MFHAS1: variants seen among roughly 807,000 people sequenced by gnomAD.
MFHAS1 encodes the protein multifunctional ROCO family signaling regulator 1, also known as malignant fibrous histiocytoma-amplified sequence 1.
Under a neutral mutation model 70.4 loss-of-function variants are expected in MFHAS1, and 50 were observed. That is an observed-to-expected ratio of 0.71 (90% CI 0.57 to 0.90). The LOEUF (loss-of-function observed/expected upper bound fraction) is 0.90. Among genes scored for constraint, MFHAS1 ranks in the 40% least tolerant of loss-of-function variants. The pLI is 0.00. For missense variants in MFHAS1, 1,795 were observed against 1,347.6 expected, an observed-to-expected ratio of 1.33 and a Z score of -5.20; for synonymous variants, 952 against 620.0, an observed-to-expected ratio of 1.54 and a Z score of -7.96.
At chr8:8,880,023 C>T (rs554570254) in intron 1 of MFHAS1, among the ~76,000 whole-genome samples, 55 of 152,342 alleles carry the variant, frequency 3.6e-4, no homozygotes, top group Middle Eastern at 3.4e-3. Context: ...TTCTCTTCTA[C>T]GTGTTCTTTA....
At position 8,891,508 on chromosome 8, in the gene MFHAS1, G is replaced by C. The variant is rs751736035; in HGVS notation, c.1551C>G (p.Gly517=). The C allele has an allele frequency of 1.2e-6, 2 of 1,613,096 alleles. No individual in the cohort carries two copies. Among genetic ancestry groups the C allele is most frequent in the Middle Eastern group, 1.6e-4 (1 of 6,062 alleles). ...YEPRHFPTTV[G]SFLHRVGARV... The stretch of plus-strand genomic sequence containing the variant: ...TCGCCCCGACCCGATGCAAGAAGGA[G>C]CCCACGGTGGTAGGAAAGTGGCGAG... The change falls in exon 1 of 3, where the codon GGC becomes GGG. Residue 517 remains glycine (G), a synonymous_variant. Coordinates refer to ENST00000276282, the MANE Select transcript of MFHAS1 (RefSeq NM_004225.3). The surrounding 1 kb of genome is among the most constrained non-coding windows in gnomAD (Gnocchi z 5.4).
chr8:8,873,671 C>T (rs1290948675), intron 1 of MFHAS1, among the ~76,000 whole-genome samples: 7 of 152,138 alleles, frequency 4.6e-5, no homozygotes, highest in East Asian at 3.9e-4. Context: ...GAAAATACAA[C>T]GGTGTGGAAC....
chr8:8,876,893 C>A (rs1809318382), intron 1 of MFHAS1, among the ~76,000 whole-genome samples: 1 of 151,506 alleles, frequency 6.6e-6, no homozygotes, highest in Non-Finnish European at 1.5e-5. Context: ...AAGATCATGC[C>A]ACTGCACTCC....
At chr8:8,786,140 T>A in intron 2 of MFHAS1, 85 bp from the exon 3 acceptor site, 1 of 1,251,370 alleles carries the variant, frequency 8.0e-7, no homozygotes, top group Admixed American at 1.7e-5. Flanking sequence ...GAAGTGATGA[T>A]AGAAATCTAT....
At chr8:8,804,707 C>A (rs2117271295) in intron 1 of MFHAS1, among the ~76,000 whole-genome samples, 1 of 152,316 alleles carries the variant, frequency 6.6e-6, no homozygotes, top group Non-Finnish European at 1.5e-5. Flanking sequence ...AGAAAAAAGG[C>A]CACACTCTTG....
At chr8:8,889,627 A>T (rs529501319) in intron 1 of MFHAS1, among the ~76,000 whole-genome samples, 4 of 152,380 alleles carry the variant, frequency 2.6e-5, no homozygotes, top group African/African-American at 9.6e-5. Context: ...TTTTTAAAAA[A>T]TTGTGACACT....
At chr8:8,877,721 C>T (rs566877601) in intron 1 of MFHAS1, among the ~76,000 whole-genome samples, 2 of 152,266 alleles carry the variant, frequency 1.3e-5, no homozygotes, top group South Asian at 2.1e-4. Context: ...ACTACCCTTC[C>T]GTTTTCCCAG....
chr8:8,885,160 C>T (rs1016151467), intron 1 of MFHAS1, among the ~76,000 whole-genome samples: 1 of 151,978 alleles, frequency 6.6e-6, no homozygotes, highest in African/African-American at 2.4e-5. Flanking sequence ...AGGTACACTC[C>T]GTGTGCAAGA....
intron 1 of MFHAS1, among the ~76,000 whole-genome samples, chr8:8,873,683 C>A (rs572583631): frequency 1.3e-5 from 2 of 151,986 alleles, no homozygotes; most frequent in Non-Finnish European, 2.9e-5. Context: ...GTGTGGAACT[C>A]GAGAGGATGG....
rs372624183 is a variant in MFHAS1, at chr8:8,890,622, C to A, written c.2437G>T (p.Ala813Ser). 1.4e-4 allele frequency: 227 copies of A among 1,613,808 alleles called. No homozygotes were observed. Among genetic ancestry groups the A allele is most frequent in the Non-Finnish European group, 1.8e-4 (213 of 1,179,998 alleles). ...IRLLLKPHVQAQQDLQLLLEL... is the reference protein window; with the variant it reads ...IRLLLKPHVQSQQDLQLLLEL... ...AGCAACAGCTGCAAGTCCTGCTGGG[C>A]CTGGACATGAGGCTTAAGCAGCAAC... The change falls in exon 1 of 3, where the codon GCC becomes TCC. Residue 813 changes from alanine to serine, a missense_variant. Coordinates refer to ENST00000276282, the MANE Select transcript of MFHAS1 (RefSeq NM_004225.3).
rs775414136 is a variant in MFHAS1 at position 8,890,757 on chromosome 8, G to A, written c.2302C>T (p.Pro768Ser). Residue 768 changes from proline to serine, a missense_variant, in exon 1 of 3, where the codon CCG becomes TCG. Transcript: ENST00000276282. ...GEGKAEGESS[P>S]PMARSTPSQE... ...CTGGGGGTGGACCGCGCCATGGGCG[G>A]GGAGCTTTCCCCCTCCGCCTTGCCC... The A allele has an allele frequency of 6.2e-7, 1 of 1,613,902 alleles. No homozygotes were observed. Among genetic ancestry groups the A allele is most frequent in the Non-Finnish European group, 8.5e-7 (1 of 1,179,900 alleles).
At chr8:8,835,478 G>A (rs1385531535) in intron 1 of MFHAS1, among the ~76,000 whole-genome samples, 1 of 152,038 alleles carries the variant, frequency 6.6e-6, no homozygotes, top group African/African-American at 2.4e-5. Flanking sequence ...TCACACTCAG[G>A]AAACAAATGT....
chr8:8,851,964 C>T (rs926236247), intron 1 of MFHAS1, among the ~76,000 whole-genome samples: 8 of 152,122 alleles, frequency 5.3e-5, no homozygotes, highest in South Asian at 4.1e-4. Context: ...GGTCACCAGG[C>T]GGATCCCTAA....
rs147767530 is a variant in MFHAS1 at position 8,891,916 on chromosome 8, G to A, written c.1143C>T (p.Pro381=). 3.0e-5 allele frequency: 49 copies of A among 1,610,584 alleles called. No homozygotes were observed. In the African/African-American group the frequency reaches 5.6e-4, roughly 18 times the overall value. The change falls in exon 1 of 3, where the codon CCC becomes CCT. Residue 381 remains proline, a synonymous_variant. Coordinates refer to ENST00000276282, the MANE Select transcript of MFHAS1 (RefSeq NM_004225.3). This position sits in a 1 kb window ranked among gnomAD's most constrained non-coding sequence, Gnocchi z 5.4. ...GGATCCCCTTCATGCAGACCTCGTA[G>A]GGGGGCTGGATCAGTGGGTTGTCTT... ...KIKDNPLIQP[P]YEVCMKGIPY... is the part of the protein sequence containing the mutation.
chr8:8,824,106 G>A (rs1030107386), intron 1 of MFHAS1, among the ~76,000 whole-genome samples: 5 of 151,558 alleles, frequency 3.3e-5, no homozygotes, highest in Middle Eastern at 3.4e-3. Context: ...CTATGCATCC[G>A]TACAGCTCTT....
At chr8:8,792,377 G>A (rs931142181) in intron 2 of MFHAS1, among the ~76,000 whole-genome samples, 1 of 152,240 alleles carries the variant, frequency 6.6e-6, no homozygotes, top group Non-Finnish European at 1.5e-5. Context: ...AAGGCGGGCA[G>A]ATTATCTGAG....
chr8:8,864,638 C>T (rs937774350), intron 1 of MFHAS1, among the ~76,000 whole-genome samples: 5 of 152,188 alleles, frequency 3.3e-5, no homozygotes, highest in Non-Finnish European at 7.3e-5. Context: ...TAGCTACTCT[C>T]TTCCTATCAT....
intron 1 of MFHAS1, among the ~76,000 whole-genome samples, chr8:8,825,875 A>T (rs956820867): frequency 6.6e-6 from 1 of 152,158 alleles, no homozygotes; most frequent in Non-Finnish European, 1.5e-5. Flanking sequence ...TCTCTCCTTC[A>T]GCTCCTGGAG....
intron 2 of MFHAS1, among the ~76,000 whole-genome samples, chr8:8,791,459 G>A (rs955242547): frequency 1.3e-5 from 2 of 152,172 alleles, no homozygotes; most frequent in Non-Finnish European, 2.9e-5. Context: ...TTATCTGGCA[G>A]GTTATCAAAG....
Sources: allele counts gnomAD v4.1 joint callset (sites outside exome capture counted in the v4.1 genomes callset), GRCh38; gene constraint gnomAD v4.1.1; non-coding constraint Gnocchi (gnomAD v3.1); transcripts MANE v1.5; gene names NCBI Gene and HGNC (gene_info 2026-07-23, HGNC 2026-07-21).